The following CHL1 variants were observed in gnomAD, a reference collection of about 807,000 sequenced individuals.
CHL1 encodes the protein neural cell adhesion molecule L1-like protein.
Under a neutral mutation model 141.9 loss-of-function variants are expected in CHL1, and 96 were observed. The observed-to-expected ratio is 0.68, with a 90% CI of 0.57 to 0.80. CHL1 has a LOEUF of 0.80. Among genes scored for constraint, CHL1 ranks in the 30% least tolerant of loss-of-function variants. The pLI is 0.00. For missense variants in CHL1, 1,820 were observed against 1,457.2 expected, an observed-to-expected ratio of 1.25 and a Z score of -4.05; for synonymous variants, 613 against 502.2, an observed-to-expected ratio of 1.22 and a Z score of -2.95.
At chr3:270,145 T>C (rs911300028) in intron 2 of CHL1, among the ~76,000 whole-genome samples, 2 of 152,144 alleles carry the variant, frequency 1.3e-5, no homozygotes, top group African/African-American at 4.8e-5. Context: ...GGGGAAATAT[T>C]TTGAATCAAA....
intron 1 of CHL1, among the ~76,000 whole-genome samples, chr3:211,106 G>GGT (rs1699869150): frequency 6.6e-6 from 1 of 152,056 alleles, no homozygotes; most frequent in Non-Finnish European, 1.5e-5. Context: ...AAAGGGCCAC[G>GGT]GTGAACCCCA....
At chr3:213,921 G>A (rs1188828897) in intron 1 of CHL1, among the ~76,000 whole-genome samples, 3 of 152,178 alleles carry the variant, frequency 2.0e-5, no homozygotes, top group Admixed American at 6.5e-5. Context: ...TTAAATACCT[G>A]TCTCAAGTTC....
At chr3:319,589 A>C in intron 2 of CHL1, 94 bp from the exon 3 acceptor site, 1 of 486,980 alleles carries the variant, frequency 2.1e-6, no homozygotes, top group East Asian at 3.4e-5. Context: ...ATACTGCCAA[A>C]CCAAAAAAAA....
chr3:386,362 C>T (rs116794214), intron 19 of CHL1, among the ~76,000 whole-genome samples: 1 of 152,126 alleles, frequency 6.6e-6, no homozygotes, highest in Admixed American at 6.5e-5. Context: ...TACAATTTAA[C>T]TTAATGGTAG....
chr3:401,576 CTT>C (rs779711439), intron 26 of CHL1, 48 bp from the exon 27 acceptor site: 1 of 1,082,878 alleles, frequency 9.2e-7, no homozygotes, highest in Admixed American at 1.9e-5. Context: ...GGTAAAATGT[CTT>C]TTAAATGGTC....
chr3:376,798 T>C (rs1391901156), intron 15 of CHL1, among the ~76,000 whole-genome samples: 1 of 152,216 alleles, frequency 6.6e-6, no homozygotes, highest in East Asian at 1.9e-4. Flanking sequence ...AAAGTTTTAT[T>C]ATGTCTAGAA....
chr3:377,285 T>C (rs973259930), intron 15 of CHL1, among the ~76,000 whole-genome samples: 1 of 152,214 alleles, frequency 6.6e-6, no homozygotes, highest in African/African-American at 2.4e-5. Context: ...TATGCTTCAA[T>C]TGCTATCTGA....
At chr3:253,398 C>T (rs331883) in intron 2 of CHL1, among the ~76,000 whole-genome samples, 25,124 of 151,994 alleles carry the variant, frequency 0.17, 2,321 homozygotes, top group East Asian at 0.39. Flanking sequence ...TATACCAGTA[C>T]GTAAGCAAGA....
intron 19 of CHL1, among the ~76,000 whole-genome samples, chr3:387,695 A>G (rs149051803): frequency 6.6e-6 from 1 of 152,230 alleles, no homozygotes; most frequent in South Asian, 2.1e-4. Flanking sequence ...CTACAAGCCC[A>G]TGGCCTAATT....
At chr3:349,239 T>G in intron 9 of CHL1, 120 bp from the exon 10 acceptor site, 1 of 772,244 alleles carries the variant, frequency 1.3e-6, no homozygotes, top group East Asian at 2.7e-5. Flanking sequence ...GATGACGTGA[T>G]TCAGTGGAAT....
chr3:241,504 A>C (rs1217363480), intron 1 of CHL1, among the ~76,000 whole-genome samples: 1 of 152,020 alleles, frequency 6.6e-6, no homozygotes, highest in African/African-American at 2.4e-5. Flanking sequence ...TTGTTTGCTG[A>C]GTGTACCCTC....
chr3:198,954 G>C (rs1468297730), intron 1 of CHL1, among the ~76,000 whole-genome samples: 1 of 152,158 alleles, frequency 6.6e-6, no homozygotes, highest in Admixed American at 6.5e-5. Flanking sequence ...AGCTCTTTGG[G>C]GAAACTTTTG....
chr3:382,768 T>C, intron 18 of CHL1, 97 bp downstream of exon 18: 1 of 1,078,716 alleles, frequency 9.3e-7, no homozygotes, highest in Non-Finnish European at 1.4e-6. Context: ...ATGTAGGATT[T>C]TAGATTTCTC....
At chr3:378,212 AG>A (rs1299993522) in intron 16 of CHL1, among the ~76,000 whole-genome samples, 1 of 152,208 alleles carries the variant, frequency 6.6e-6, no homozygotes, top group African/African-American at 2.4e-5. Context: ...AGAAAAATAA[AG>A]CACGCTTGAG....
At chr3:313,912 A>C (rs1699950155) in intron 2 of CHL1, among the ~76,000 whole-genome samples, 1 of 152,182 alleles carries the variant, frequency 6.6e-6, no homozygotes, top group Non-Finnish European at 1.5e-5. Context: ...TAGGTGGGCT[A>C]TAACTTTCAA....
At chr3:284,728 G>A (rs1246422760) in intron 2 of CHL1, among the ~76,000 whole-genome samples, 1 of 151,728 alleles carries the variant, frequency 6.6e-6, no homozygotes, top group Non-Finnish European at 1.5e-5. Context: ...GAAAATCCTG[G>A]CCTGATACAT....
intron 2 of CHL1, among the ~76,000 whole-genome samples, chr3:283,669 G>C (rs1696860219): frequency 1.3e-5 from 2 of 152,110 alleles, no homozygotes. Context: ...CTGAAATATG[G>C]GCTTGATCAT....
chr3:263,271 T>G (rs1031267538), intron 2 of CHL1, among the ~76,000 whole-genome samples: 6 of 152,058 alleles, frequency 3.9e-5, no homozygotes, highest in African/African-American at 1.4e-4. Context: ...TAATTCAATC[T>G]CATCCCCAGG....
intron 2 of CHL1, among the ~76,000 whole-genome samples, chr3:287,563 G>T (rs991205283): frequency 1.3e-5 from 2 of 152,126 alleles, no homozygotes; most frequent in Admixed American, 1.3e-4. Flanking sequence ...CTTCTACTCA[G>T]ATAATAAATG....
Sources: allele counts gnomAD v4.1 joint callset (sites outside exome capture counted in the v4.1 genomes callset), GRCh38; gene constraint gnomAD v4.1.1; transcripts MANE v1.5; gene names NCBI Gene and HGNC (gene_info 2026-07-23, HGNC 2026-07-21).